The following C6 variants were observed in gnomAD, a reference collection of about 807,000 sequenced individuals.
C6 encodes complement C6.
C6 carries 101 observed loss-of-function variants against 112.9 expected under a neutral mutation model. The observed-to-expected ratio is 0.89, with a 90% CI of 0.76 to 1.06. The LOEUF (loss-of-function observed/expected upper bound fraction) is 1.06. Among genes scored for constraint, C6 ranks in the 50% least tolerant of loss-of-function variants. The pLI is 0.00. For synonymous variants in C6, 431 were observed against 384.1 expected (o/e 1.12, Z -1.43); for missense variants, 1,202 against 1,104.6 (o/e 1.09, Z -1.25).
At chr5:41,208,214 T>C (rs377491915) in intron 1 of C6, among the ~76,000 whole-genome samples, 1 of 152,202 alleles carries the variant, frequency 6.6e-6, no homozygotes, top group Non-Finnish European at 1.5e-5. Context: ...GGGACACATT[T>C]AAAGCAGTGT....
intron 1 of C6, among the ~76,000 whole-genome samples, chr5:41,226,395 A>G (rs1012331318): frequency 6.6e-6 from 1 of 152,212 alleles, no homozygotes; most frequent in Non-Finnish European, 1.5e-5. Flanking sequence ...AATCAAAACC[A>G]CAATGAGATA....
intron 4 of C6, among the ~76,000 whole-genome samples, chr5:41,197,457 T>C (rs1750699588): frequency 6.6e-6 from 1 of 152,176 alleles, no homozygotes; most frequent in Non-Finnish European, 1.5e-5. Flanking sequence ...TATTAAAATA[T>C]GAATCTATAC....
chr5:41,228,250 C>T (rs1162695047), intron 1 of C6, among the ~76,000 whole-genome samples: 5 of 151,480 alleles, frequency 3.3e-5, no homozygotes, highest in African/African-American at 9.7e-5. Flanking sequence ...TTCTTGATTT[C>T]TTTTTTGGAT....
At chr5:41,224,438 C>G (rs2962285) in intron 1 of C6, among the ~76,000 whole-genome samples, 106,698 of 151,998 alleles carry the variant, frequency 0.7, 37,540 homozygotes, top group African/African-American at 0.73. Context: ...TAGGCACTAC[C>G]AATCTACTTT....
chr5:41,234,640 T>C (rs1398638293), intron 1 of C6, among the ~76,000 whole-genome samples: 5 of 152,158 alleles, frequency 3.3e-5, no homozygotes, highest in Admixed American at 6.6e-5. Flanking sequence ...ACCAATTGCC[T>C]AGTTCCTCTG....
At chr5:41,211,960 A>T (rs1484157383) in intron 1 of C6, among the ~76,000 whole-genome samples, 1 of 152,178 alleles carries the variant, frequency 6.6e-6, no homozygotes, top group Non-Finnish European at 1.5e-5. Context: ...CAAAAACTGC[A>T]AAAACAGAAC....
chr5:41,217,596 C>T (rs1752238968), upstream of C6, among the ~76,000 whole-genome samples: 1 of 152,034 alleles, frequency 6.6e-6, no homozygotes, highest in African/African-American at 2.4e-5. Context: ...AGTTGTTGAA[C>T]AATGCATAAT....
chr5:41,210,020 T>C (rs1463438657), intron 1 of C6, among the ~76,000 whole-genome samples: 1 of 152,060 alleles, frequency 6.6e-6, no homozygotes, highest in African/African-American at 2.4e-5. Flanking sequence ...AAAACAGAGA[T>C]ATAGACCAAT....
upstream of C6, among the ~76,000 whole-genome samples, chr5:41,216,765 T>C (rs1195719897): frequency 6.6e-6 from 1 of 152,150 alleles, no homozygotes; most frequent in Non-Finnish European, 1.5e-5. Flanking sequence ...CATCAGTGGC[T>C]TAGCTGGTCT....
At chr5:41,156,622 T>C (rs1403357321) in intron 13 of C6, among the ~76,000 whole-genome samples, 5 of 152,180 alleles carry the variant, frequency 3.3e-5, no homozygotes, top group Non-Finnish European at 7.3e-5. Context: ...GGTGAAAGCT[T>C]AATTGTCAGC....
intron 6 of C6, 110 bp downstream of exon 6, chr5:41,185,960 G>A: frequency 7.6e-7 from 1 of 1,308,792 alleles, no homozygotes; most frequent in Non-Finnish European, 1.1e-6. Flanking sequence ...TGATTAAAAT[G>A]GTTCACCACC....
Position 41,203,224 on chromosome 5 carries a change from T to G in C6, c.7A>C (p.Arg3=). The change falls in exon 2 of 18, where the codon AGA becomes CGA. Residue 3 remains arginine (R), a synonymous_variant. Coordinates refer to ENST00000337836, the MANE Select transcript of C6 (RefSeq NM_000065.5). The stretch of plus-strand genomic sequence containing the variant: ...AGGATGAAGTACAAGACAGAGCGTC[T>G]GGCCATGCCTTGAGAGCCTCCAGGC... MA[R]RSVLYFILLN... 4.3e-6 allele frequency: 7 copies of G among 1,614,166 alleles called. No individual in the cohort carries two copies. Among genetic ancestry groups the G allele is most frequent in the Non-Finnish European group, 5.9e-6 (7 of 1,179,978 alleles).
intron 1 of C6, among the ~76,000 whole-genome samples, chr5:41,248,030 C>T (rs1291015174): frequency 6.6e-6 from 1 of 152,044 alleles, no homozygotes; most frequent in Non-Finnish European, 1.5e-5. Context: ...ATGCCTATAG[C>T]CATTTAATCT....
intron 1 of C6, among the ~76,000 whole-genome samples, chr5:41,232,963 T>A (rs571607804): frequency 6.6e-6 from 1 of 152,206 alleles, no homozygotes; most frequent in South Asian, 2.1e-4. Context: ...ATACAGCAGA[T>A]ATTTTATATT....
rs141459878 is a variant in C6, at chr5:41,199,747, C to T, written c.445+21G>A. 4.8e-4 allele frequency: 770 copies of T among 1,612,352 alleles called. 3 individuals carry two copies. In the African/African-American group the frequency reaches 9.4e-3, roughly 20 times the overall value. ...CAAGCTATTTTTAGTGGGGACTGAA[C>T]ATTTCACAAAAATACATTACCACTG... On this transcript the variant is annotated intron_variant, in intron 4 of 17. Transcript: ENST00000337836.
At chr5:41,158,245 A>AT (rs1747107776) in intron 13 of C6, among the ~76,000 whole-genome samples, 1 of 152,190 alleles carries the variant, frequency 6.6e-6, no homozygotes, top group Non-Finnish European at 1.5e-5. Context: ...GTTTTGACTG[A>AT]TTAAGAGTTC....
chr5:41,229,663 G>A (rs912806364), intron 1 of C6, among the ~76,000 whole-genome samples: 3 of 152,000 alleles, frequency 2.0e-5, no homozygotes, highest in African/African-American at 7.2e-5. Context: ...GCTGTTGGAT[G>A]GAATGTTTTG....
At position 41,201,652 on chromosome 5, in the gene C6, T is replaced by C. The variant is rs1244414911; in HGVS notation, c.206A>G (p.Glu69Gly). The C allele has an allele frequency of 6.2e-7, 1 of 1,613,598 alleles. No homozygotes were observed. Residue 69 changes from glutamate to glycine, a missense_variant, in exon 3 of 18, where the codon GAG becomes GGG. By Grantham distance (98) the Glu-to-Gly change is moderately conservative. Transcript: ENST00000337836. ...NFCEQICSKQ[E>G]TRECNWQRCP... ...TCTTTGCCAGTTACATTCTCTAGTC[T>C]CCTGCTTGCTGCAAATCTGTTCACA...
intron 5 of C6, among the ~76,000 whole-genome samples, chr5:41,188,809 G>A (rs1749980122): frequency 6.6e-6 from 1 of 151,586 alleles, no homozygotes; most frequent in South Asian, 2.1e-4. Context: ...TGCTTTAAAG[G>A]ACACCAACAA....
Sources: allele counts gnomAD v4.1 joint callset (sites outside exome capture counted in the v4.1 genomes callset), GRCh38; gene constraint gnomAD v4.1.1; transcripts MANE v1.5; gene names NCBI Gene and HGNC (gene_info 2026-07-23, HGNC 2026-07-21).